IQSEC3: variants seen among roughly 807,000 people sequenced by gnomAD.
IQSEC3 encodes IQ motif and Sec7 domain ArfGEF 3, also known as IQ motif and SEC7 domain-containing protein 3.
Under a neutral mutation model 105.4 loss-of-function variants are expected in IQSEC3, and 50 were observed. That is an observed-to-expected ratio of 0.47 (90% CI 0.38 to 0.60). The LOEUF (loss-of-function observed/expected upper bound fraction) is 0.60, where lower values mean the gene tolerates loss of function less well. IQSEC3 is among the 20% of genes least tolerant of loss of function. The probability of loss-of-function intolerance (pLI) is 0.00; values close to 1 mark genes in which losing one functional copy is unlikely to be tolerated. For missense variants in IQSEC3, 1,415 were observed against 1,630.0 expected (o/e 0.87, Z 2.27); for synonymous variants, 708 against 746.0 (o/e 0.95, Z 0.83).
chr12:141,478 CATTG>C (rs1223385774), intron 5 of IQSEC3, 193 bp downstream of exon 5: 7 of 577,392 alleles, frequency 1.2e-5, no homozygotes, highest in African/African-American at 5.6e-5. Context: ...CCGTCAGAGT[CATTG>C]ATTGAGTTCG....
intron 2 of IQSEC3, among the ~76,000 whole-genome samples, chr12:103,666 GT>G (rs1160701357): frequency 3.5e-5 from 2 of 57,648 alleles, no homozygotes; most frequent in Admixed American, 1.8e-4. Flanking sequence ...GTGGAGTTCG[GT>G]GGGGAGGCAG....
At chr12:94,743 T>C (rs1864194177) in intron 1 of IQSEC3, among the ~76,000 whole-genome samples, 2 of 152,150 alleles carry the variant, frequency 1.3e-5, no homozygotes, top group African/African-American at 4.8e-5. Flanking sequence ...GCTCCTAACC[T>C]TGGGAGGAAG....
rs1555083445 is a variant in IQSEC3, at chr12:126,167, A to T, written c.903+255A>T. Among the ~76,000 whole-genome samples the T allele has an allele frequency of 3.9e-5, 6 of 152,240 alleles. No homozygotes were observed. The South Asian group carries it at 1.0e-3, about 26-fold the overall frequency. ...AGCACGTCCAGGGGCTCTGCTCCTC[A>T]CACAGTGCTCAGCAAGCCTCCACCG... is the stretch of plus-strand genomic sequence containing the variant. On this transcript the variant is annotated intron_variant, in intron 3 of 13. Coordinates refer to ENST00000538872, the MANE Select transcript of IQSEC3 (RefSeq NM_001170738.2).
At chr12:168,835 G>C in intron 11 of IQSEC3, 178 bp from the exon 12 acceptor site, 1 of 618,238 alleles carries the variant, frequency 1.6e-6, no homozygotes, top group South Asian at 1.9e-5. Context: ...CTGCGGCTCC[G>C]AGGGGGTATT....
chr12:154,974 G>A lies in IQSEC3; in HGVS notation c.2154-2051G>A, dbSNP rs138583793. ...GACCCCCTTGCTGCGTGACCATGCTGGTTCACCTCCTCCAGGCTCTCTCTG... is the reference window on the plus strand; with the variant it reads ...GACCCCCTTGCTGCGTGACCATGCTAGTTCACCTCCTCCAGGCTCTCTCTG... On this transcript the variant is annotated intron_variant, in intron 5 of 13. Coordinates refer to ENST00000538872, the MANE Select transcript of IQSEC3 (RefSeq NM_001170738.2). Among the ~76,000 whole-genome samples, 338 of 152,272 alleles carry A rather than the reference G, an allele frequency of 2.2e-3. 2 individuals are homozygous for A. The highest frequency in any genetic ancestry group is 7.7e-3 in the African/African-American group (318 of 41,546).
intron 10 of IQSEC3, 49 bp from the exon 11 acceptor site, chr12:165,680 C>T (rs782409185): frequency 5.6e-6 from 9 of 1,604,120 alleles, no homozygotes; most frequent in African/African-American, 2.7e-5. Flanking sequence ...CTCTGGCCCT[C>T]GGCTGCTGCT....
chr12:105,080 G>A (rs1055263693), intron 2 of IQSEC3, among the ~76,000 whole-genome samples: 1 of 152,266 alleles, frequency 6.6e-6, no homozygotes, highest in Admixed American at 6.5e-5. Context: ...CCCTAGAAAA[G>A]GGCAGAAAAG....
At position 138,317 on chromosome 12, in the gene IQSEC3, C is replaced by A; in HGVS notation, c.954C>A (p.Ala318=). 6.2e-7 allele frequency: 1 copy of A among 1,613,948 alleles called. No homozygotes were observed. Among genetic ancestry groups the A allele is most frequent in the Non-Finnish European group, 8.5e-7 (1 of 1,180,000 alleles). The change falls in exon 4 of 14, where the codon GCC becomes GCA. Residue 318 remains alanine (A), a synonymous_variant. Transcript: ENST00000538872. This position sits in a 1 kb window ranked among gnomAD's most constrained non-coding sequence, Gnocchi z 7.1. ...KYGGHLVSRR[A]ACTIQTAFRQ... is the part of the protein sequence containing the mutation. ...GCGGTCACCTGGTGTCCCGGCGCGC[C>A]GCTTGCACCATCCAAACCGCCTTCC...
intron 7 of IQSEC3, among the ~76,000 whole-genome samples, chr12:159,427 T>C (rs1308353169): frequency 6.6e-6 from 1 of 152,254 alleles, no homozygotes; most frequent in African/African-American, 2.4e-5. Context: ...TTAGTTTACT[T>C]TCAGAGAAAA....
At chr12:115,859 A>T (rs1320815674) in intron 2 of IQSEC3, among the ~76,000 whole-genome samples, 1 of 152,154 alleles carries the variant, frequency 6.6e-6, no homozygotes, top group Non-Finnish European at 1.5e-5. Context: ...TCTGTAACTC[A>T]GAGTCACCGA....
At position 175,762 on chromosome 12, in the gene IQSEC3, C is replaced by T. The variant is rs1287557179; in HGVS notation, c.*729C>T. 2 of 152,300 alleles carry T rather than the reference C, an allele frequency of 1.3e-5. No homozygotes were observed. Among genetic ancestry groups the T allele is most frequent in the African/African-American group, 4.8e-5 (2 of 41,448 alleles). 9.4% of individuals were successfully genotyped at this position (152,300 alleles called of 1,614,324 possible). On this transcript the variant is annotated 3_prime_UTR_variant, in exon 14 of 14. Coordinates refer to ENST00000538872, the MANE Select transcript of IQSEC3 (RefSeq NM_001170738.2). ...TTTCTATAGGTCAGTCCAGCAGGGC[C>T]ACGGGATCGCGAGGTCATGTATCTG... is the stretch of plus-strand genomic sequence containing the variant.
At chr12:106,707 G>C (rs782640434) in intron 2 of IQSEC3, 3 of 152,168 alleles carry the variant, frequency 2.0e-5, no homozygotes, top group Non-Finnish European at 4.4e-5. Flanking sequence ...GCTTCTTGTT[G>C]GAATCTTTTG....
At chr12:88,973 CTTGCTTG>C (rs1555072716) in intron 1 of IQSEC3, among the ~76,000 whole-genome samples, 1 of 152,138 alleles carries the variant, frequency 6.6e-6, no homozygotes, top group African/African-American at 2.4e-5. Context: ...ATATTCAAGT[CTTGCTTG>C]AATATGAATC....
chr12:68,342 T>C (rs1863179389), intron 1 of IQSEC3, among the ~76,000 whole-genome samples: 1 of 152,258 alleles, frequency 6.6e-6, no homozygotes, highest in Non-Finnish European at 1.5e-5. Context: ...TGTTTAAATC[T>C]CCCTGTTAAG....
intron 2 of IQSEC3, among the ~76,000 whole-genome samples, chr12:122,390 T>C (rs10849580): frequency 0.17 from 25,962 of 152,190 alleles, 2,787 homozygotes; most frequent in East Asian, 0.34. Flanking sequence ...GTTAGAAGCA[T>C]TGTGTGTGCG....
chr12:141,065 A>G, intron 4 of IQSEC3, 59 bp from the exon 5 acceptor site: 1 of 1,512,494 alleles, frequency 6.6e-7, no homozygotes, highest in South Asian at 1.2e-5. Flanking sequence ...GACAGGGAGG[A>G]AAGAGTCATG....
intron 2 of IQSEC3, among the ~76,000 whole-genome samples, chr12:104,402 G>C (rs191590683): frequency 1.1e-4 from 16 of 152,228 alleles, no homozygotes; most frequent in East Asian, 9.6e-4. Context: ...AGTCATACAC[G>C]CTAGTTGTTG....
At chr12:102,057 T>G (rs1555076311) in intron 2 of IQSEC3, among the ~76,000 whole-genome samples, 1 of 152,048 alleles carries the variant, frequency 6.6e-6, no homozygotes, top group African/African-American at 2.4e-5. Context: ...GTATGGACTC[T>G]GGAGCTCTGA....
intron 3 of IQSEC3, among the ~76,000 whole-genome samples, chr12:127,834 T>G (rs1212009740): frequency 6.6e-6 from 1 of 152,214 alleles, no homozygotes. Flanking sequence ...GGTTGCCTGT[T>G]CACTCTGATG....
Sources: allele counts gnomAD v4.1 joint callset (sites outside exome capture counted in the v4.1 genomes callset), GRCh38; gene constraint gnomAD v4.1.1; non-coding constraint Gnocchi (gnomAD v3.1); transcripts MANE v1.5; gene names NCBI Gene and HGNC (gene_info 2026-07-23, HGNC 2026-07-21).